ANK2: variants seen among roughly 807,000 people sequenced by gnomAD.
ANK2 encodes ankyrin-2.
In ANK2, 83 loss-of-function variants were observed where a neutral mutation model predicts 360.5. The ratio of observed to expected loss-of-function variants is 0.23; its 90% CI spans 0.19 to 0.28. The LOEUF (loss-of-function observed/expected upper bound fraction) is 0.28, where lower values mean the gene tolerates loss of function less well. Among genes scored for constraint, ANK2 ranks in the 10% least tolerant of loss-of-function variants. The pLI, the probability that ANK2 is intolerant of heterozygous loss-of-function variation, is 1.00. For synonymous variants in ANK2, 1,740 were observed against 1,759.5 expected (o/e 0.99, Z 0.28); for missense variants, 4,201 against 4,795.7 (o/e 0.88, Z 3.66).
chr4:113,277,194 A>G (rs2060542666), intron 15 of ANK2, among the ~76,000 whole-genome samples: 1 of 152,238 alleles, frequency 6.6e-6, no homozygotes, highest in African/African-American at 2.4e-5. Context: ...TCAGCCCAAC[A>G]TCATGCCAGA....
intron 2 of ANK2, among the ~76,000 whole-genome samples, chr4:112,981,647 T>A (rs1183158154): frequency 6.6e-6 from 1 of 152,174 alleles, no homozygotes; most frequent in Non-Finnish European, 1.5e-5. Flanking sequence ...ATGTAGTGAA[T>A]TCTGTTCTGG....
At chr4:113,076,818 G>T (rs2080226317) in intron 1 of ANK2, among the ~76,000 whole-genome samples, 1 of 148,004 alleles carries the variant, frequency 6.8e-6, no homozygotes, top group Non-Finnish European at 1.5e-5. Flanking sequence ...AAAAAAAACT[G>T]AAAAAATAAG....
At chr4:113,291,716 G>A (rs1430415533) in intron 20 of ANK2, among the ~76,000 whole-genome samples, 1 of 152,192 alleles carries the variant, frequency 6.6e-6, no homozygotes, top group Non-Finnish European at 1.5e-5. Context: ...TTTATGAGAA[G>A]TGAAGCAGGT....
At chr4:112,859,949 G>A (rs2067454412) in intron 1 of ANK2, among the ~76,000 whole-genome samples, 1 of 152,206 alleles carries the variant, frequency 6.6e-6, no homozygotes, top group South Asian at 2.1e-4. Context: ...GCTGATCACT[G>A]CTCTGCCAGC....
the ANK2 span, among the ~76,000 whole-genome samples, chr4:112,786,746 CTTTTTT>C: frequency 9.2e-6 from 1 of 108,910 alleles, no homozygotes. Context: ...TAAAATCAAA[CTTTTTT>C]TTTTTTTTTT....
chr4:113,249,892 A>G, intron 10 of ANK2, 30 bp downstream of exon 10: 1 of 1,587,394 alleles, frequency 6.3e-7, no homozygotes, highest in South Asian at 1.1e-5. Flanking sequence ...ATGGGGTCCT[A>G]AGAAATCTTT....
At chr4:113,128,720 A>C (rs1202173664) in intron 1 of ANK2, among the ~76,000 whole-genome samples, 1 of 152,098 alleles carries the variant, frequency 6.6e-6, no homozygotes, top group Admixed American at 6.5e-5. Flanking sequence ...GGAACTCCTG[A>C]CCTTGTGATT....
the ANK2 span, among the ~76,000 whole-genome samples, chr4:112,790,187 A>C: frequency 9.9e-4 from 151 of 152,356 alleles, no homozygotes; most frequent in African/African-American, 3.4e-3. Context: ...AGAATAAATA[A>C]GAGAAGACTG....
intron 18 of ANK2, among the ~76,000 whole-genome samples, chr4:113,285,735 G>A (rs1301970945): frequency 6.6e-6 from 1 of 152,172 alleles, no homozygotes; most frequent in Non-Finnish European, 1.5e-5. Context: ...TATAGGATGG[G>A]ACTGTCTCTC....
At chr4:113,147,212 A>G (rs2096867771) in intron 1 of ANK2, among the ~76,000 whole-genome samples, 1 of 152,024 alleles carries the variant, frequency 6.6e-6, no homozygotes, top group Non-Finnish European at 1.5e-5. Context: ...CAGGGAAGGG[A>G]GATCACCCAC....
chr4:113,288,514 C>A, intron 20 of ANK2, 28 bp downstream of exon 20: 3 of 1,582,244 alleles, frequency 1.9e-6, no homozygotes, highest in Non-Finnish European at 2.6e-6. Context: ...ATTTTCAATT[C>A]CTATAAGCAA....
chr4:113,357,637 C>T lies in ANK2; in HGVS notation c.9019C>T (p.Gln3007Ter). The change falls in exon 38 of 46, where the codon CAA becomes TAA. Residue 3007 changes from glutamine to a stop codon, truncating the protein, a stop_gained. Coordinates refer to ENST00000357077, the MANE Select transcript of ANK2 (RefSeq NM_001148.6). LOFTEE classifies it high-confidence loss of function. ...ACAGGAAAGTACCTTGTGGGAAATG[C>T]AATCAGACAGTGTCTCTTCATCTTT... ...SQQESTLWEM[Q>*]SDSVSSSFEP... 6.2e-7 allele frequency: 1 copy of T among 1,614,146 alleles called. No individual in the cohort carries two copies. Among genetic ancestry groups the T allele is most frequent in the African/African-American group, 1.3e-5 (1 of 75,056 alleles).
rs1441559995 is a variant in ANK2, at chr4:113,353,053, A to G, written c.4435A>G (p.Thr1479Ala). The stretch of plus-strand genomic sequence containing the variant: ...TTTCATTCACATCAAAGATGATGAG[A>G]CAGAATCTACAGAAACATCTGTCCT... Reference protein sequence around the residue: ...IDMTSEKNDETESTETSVLKS... With the variant: ...IDMTSEKNDEAESTETSVLKS... Residue 1479 changes from threonine (T) to alanine (A), a missense_variant, in exon 38 of 46, where the codon ACA becomes GCA. Coordinates refer to ENST00000357077, the MANE Select transcript of ANK2 (RefSeq NM_001148.6). The G allele has an allele frequency of 2.5e-5, 41 of 1,613,358 alleles. No homozygotes were observed. The highest frequency in any genetic ancestry group is 3.3e-5 in the Non-Finnish European group (39 of 1,179,630).
chr4:112,968,567 G>A (rs1409791102), intron 2 of ANK2, among the ~76,000 whole-genome samples: 1 of 152,158 alleles, frequency 6.6e-6, no homozygotes, highest in Non-Finnish European at 1.5e-5. Context: ...CACATTCCCT[G>A]TAGAATCATT....
chr4:113,259,520 G>A (rs1586418922), intron 13 of ANK2, among the ~76,000 whole-genome samples: 1 of 152,020 alleles, frequency 6.6e-6, no homozygotes, highest in African/African-American at 2.4e-5. Flanking sequence ...AATCCATTGT[G>A]AGAATTAATT....
At chr4:113,300,755 A>G (rs2074530279) in intron 22 of ANK2, among the ~76,000 whole-genome samples, 1 of 152,202 alleles carries the variant, frequency 6.6e-6, no homozygotes, top group Non-Finnish European at 1.5e-5. Flanking sequence ...CTGTCAAAAT[A>G]AAGGCAGCTC....
intron 14 of ANK2, among the ~76,000 whole-genome samples, chr4:113,265,695 C>T (rs185072408): frequency 6.6e-6 from 1 of 152,108 alleles, no homozygotes; most frequent in African/African-American, 2.4e-5. Flanking sequence ...TTGAATACAC[C>T]AGAATGCACT....
At chr4:112,748,930 G>A in the ANK2 span, among the ~76,000 whole-genome samples, 3 of 152,050 alleles carry the variant, frequency 2.0e-5, no homozygotes, top group Non-Finnish European at 2.9e-5. Context: ...ATGGAGTTTC[G>A]CTCTTGTCAC....
the ANK2 span, among the ~76,000 whole-genome samples, chr4:112,759,439 T>A: frequency 6.6e-6 from 1 of 152,206 alleles, no homozygotes; most frequent in African/African-American, 2.4e-5. Flanking sequence ...GCTACCACGC[T>A]GGGCCCAAAT....
Sources: allele counts gnomAD v4.1 joint callset (sites outside exome capture counted in the v4.1 genomes callset), GRCh38; gene constraint gnomAD v4.1.1; transcripts MANE v1.5; gene names NCBI Gene and HGNC (gene_info 2026-07-23, HGNC 2026-07-21).